The following BBS9 variants were observed in gnomAD, a reference collection of about 807,000 sequenced individuals.
BBS9 encodes the protein protein PTHB1.
Under a neutral mutation model 117.7 loss-of-function variants are expected in BBS9, and 89 were observed. That is an observed-to-expected ratio of 0.76 (90% CI 0.64 to 0.90). BBS9 has a LOEUF of 0.90. Among genes scored for constraint, BBS9 ranks in the 40% least tolerant of loss-of-function variants. BBS9 has a pLI of 0.00. For synonymous variants in BBS9, 379 were observed against 370.9 expected (o/e 1.02, Z -0.25); for missense variants, 982 against 1,042.2 (o/e 0.94, Z 0.80).
intron 1 of BBS9, among the ~76,000 whole-genome samples, chr7:33,138,804 G>A (rs10260593): frequency 0.17 from 25,787 of 150,330 alleles, 2,625 homozygotes; most frequent in South Asian, 0.22. Flanking sequence ...GCCCAGGCTC[G>A]TCTCAAACTC....
intron 5 of BBS9, among the ~76,000 whole-genome samples, chr7:33,213,648 T>C (rs1205653964): frequency 6.6e-6 from 1 of 152,174 alleles, no homozygotes; most frequent in Non-Finnish European, 1.5e-5. Context: ...ACTACCTGGG[T>C]ATTGCTGCCG....
intron 5 of BBS9, among the ~76,000 whole-genome samples, chr7:33,218,014 T>A (rs77952874): frequency 0.047 from 7,189 of 152,364 alleles, 242 homozygotes; most frequent in East Asian, 0.16. Flanking sequence ...TATACAATTT[T>A]AATTCTATTT....
At chr7:33,266,562 G>A (rs990933724) in intron 7 of BBS9, among the ~76,000 whole-genome samples, 13 of 152,128 alleles carry the variant, frequency 8.5e-5, no homozygotes, top group African/African-American at 2.7e-4. Context: ...TTTGTTGTTA[G>A]AGTGTTTCAT....
chr7:33,588,367 C>T (rs1861311931), intron 21 of BBS9, among the ~76,000 whole-genome samples: 1 of 152,100 alleles, frequency 6.6e-6, no homozygotes, highest in East Asian at 1.9e-4. Flanking sequence ...GCGGAAAAGG[C>T]AGATAATACT....
At chr7:33,513,316 C>T (rs1428607293) in intron 20 of BBS9, among the ~76,000 whole-genome samples, 1 of 152,156 alleles carries the variant, frequency 6.6e-6, no homozygotes, top group Non-Finnish European at 1.5e-5. Flanking sequence ...TTCCCATTCT[C>T]TTGTGAATTT....
chr7:33,393,091 G>A (rs977503738), intron 19 of BBS9, among the ~76,000 whole-genome samples: 10 of 152,090 alleles, frequency 6.6e-5, no homozygotes, highest in African/African-American at 2.4e-4. Context: ...GCTTTAGCCC[G>A]GGAGGTTGAG....
intron 13 of BBS9, among the ~76,000 whole-genome samples, chr7:33,349,577 G>T (rs1818254674): frequency 6.6e-6 from 1 of 152,004 alleles, no homozygotes; most frequent in African/African-American, 2.4e-5. Flanking sequence ...TGGGACTACA[G>T]GAAAACACCA....
intron 9 of BBS9, among the ~76,000 whole-genome samples, chr7:33,333,623 T>A (rs950842572): frequency 1.4e-5 from 2 of 145,756 alleles, no homozygotes; most frequent in Admixed American, 1.4e-4. Flanking sequence ...CTATAATGTC[T>A]TTTTTTTTTT....
intron 15 of BBS9, 127 bp from the exon 16 acceptor site, chr7:33,357,728 G>C: frequency 1.0e-6 from 1 of 959,700 alleles, no homozygotes. Flanking sequence ...TTTCAGCTTT[G>C]TTAAGCAAAA....
rs957613849 is a variant in BBS9, at chr7:33,173,504, G to A, written c.329-3974G>A. On this transcript the variant is annotated intron_variant, in intron 4 of 22. Coordinates refer to ENST00000242067, the MANE Select transcript of BBS9 (RefSeq NM_198428.3). ...GGAGAATGGTGTGAACCTGGGAGGC[G>A]GAGCTTGCAGTGAGCTGAGATTGCG... Among the ~76,000 whole-genome samples, 11 of 151,568 alleles carry A rather than the reference G, an allele frequency of 7.3e-5. No homozygotes were observed. The East Asian group carries it at 7.8e-4, about 11-fold the overall frequency.
chr7:33,309,487 T>G (rs973775441), intron 9 of BBS9, among the ~76,000 whole-genome samples: 5 of 152,192 alleles, frequency 3.3e-5, no homozygotes, highest in Non-Finnish European at 5.9e-5. Context: ...CATAAATTGA[T>G]TTGGTGACTT....
Position 33,340,514 on chromosome 7 carries a change from G to A in BBS9, c.1199-383G>A, listed in dbSNP as rs907784720. ...CTCCTTGGGCATGGTTATGGGTATT[G>A]GATACATTCTTGGGAGTAGAATTAA... is the stretch of plus-strand genomic sequence containing the variant. On this transcript the variant is annotated intron_variant, in intron 10 of 22. Coordinates refer to ENST00000242067, the MANE Select transcript of BBS9 (RefSeq NM_198428.3). Among the ~76,000 whole-genome samples, 3 of 151,984 alleles carry A rather than the reference G, an allele frequency of 2.0e-5. No individual in the cohort carries two copies. In the East Asian group the frequency reaches 5.8e-4, roughly 29 times the overall value.
intron 17 of BBS9, among the ~76,000 whole-genome samples, chr7:33,379,674 G>T (rs1373816408): frequency 6.6e-6 from 1 of 152,224 alleles, no homozygotes; most frequent in Non-Finnish European, 1.5e-5. Context: ...GCTGGGTGCT[G>T]TGTAGGTCCA....
chr7:33,546,205 T>C (rs899865199), intron 21 of BBS9, among the ~76,000 whole-genome samples: 1 of 152,126 alleles, frequency 6.6e-6, no homozygotes, highest in African/African-American at 2.4e-5. Flanking sequence ...AGTGCTGGGA[T>C]TACAGGGGTG....
At position 33,613,696 on chromosome 7, in the gene BBS9, C is replaced by T. The variant is rs116096063; in HGVS notation, c.2522-21481C>T. On this transcript the variant is annotated intron_variant, in intron 21 of 21. Coordinates refer to the BBS9 transcript ENST00000671952. ...ACATACACGAAAAAAAATTAACATC[C>T]CAAGTCACAGATGGAAAAGTGTAGG... 3.8e-3 allele frequency among the ~76,000 whole-genome samples: 577 copies of T among 152,054 alleles called. 1 individual carries two copies. The highest frequency in any genetic ancestry group is 0.013 in the African/African-American group (546 of 41,494).
chr7:33,265,773 G>T (rs1798710128), intron 7 of BBS9, among the ~76,000 whole-genome samples: 1 of 152,110 alleles, frequency 6.6e-6, no homozygotes, highest in South Asian at 2.1e-4. Context: ...AACCTGGGGG[G>T]CAGAGATTGC....
At chr7:33,218,520 G>A (rs1228056263) in intron 5 of BBS9, among the ~76,000 whole-genome samples, 4 of 152,208 alleles carry the variant, frequency 2.6e-5, no homozygotes, top group Non-Finnish European at 5.9e-5. Flanking sequence ...AACTGGCCAA[G>A]CCAGAACTTA....
At chr7:33,621,181 C>A (rs1027784361) in intron 21 of BBS9, among the ~76,000 whole-genome samples, 3 of 152,062 alleles carry the variant, frequency 2.0e-5, no homozygotes, top group African/African-American at 7.2e-5. Context: ...ATGACCACAA[C>A]AGCAAAAATA....
intron 9 of BBS9, among the ~76,000 whole-genome samples, chr7:33,329,926 A>T (rs1160851409): frequency 1.3e-5 from 2 of 152,026 alleles, no homozygotes; most frequent in African/African-American, 2.4e-5. Flanking sequence ...TTGTCTGTAG[A>T]TGGCCTTTAT....
Sources: gnomAD v4.1 joint callset for allele counts (sites outside exome capture counted in the v4.1 genomes callset) on GRCh38, gnomAD v4.1.1 for gene constraint, MANE v1.5 for transcripts, NCBI Gene and HGNC (gene_info 2026-07-23, HGNC 2026-07-21) for gene names.